PSME4: variants seen among roughly 807,000 people sequenced by gnomAD.
PSME4 encodes the protein proteasome activator complex subunit 4.
In PSME4, 89 loss-of-function variants were observed where a neutral mutation model predicts 253.9. The ratio of observed to expected loss-of-function variants is 0.35; its 90% confidence interval spans 0.30 to 0.42. The LOEUF (loss-of-function observed/expected upper bound fraction) is 0.42, where lower values mean the gene tolerates loss of function less well. Among genes scored for constraint, PSME4 ranks in the 10% least tolerant of loss-of-function variants. The pLI is 1.00. For missense variants in PSME4, 2,014 were observed against 2,195.2 expected, an observed-to-expected ratio of 0.92 and a Z score of 1.65; for synonymous variants, 851 against 759.2, an observed-to-expected ratio of 1.12 and a Z score of -1.99.
At chr2:53,930,672 T>A (rs1439564061) in intron 10 of PSME4, among the ~76,000 whole-genome samples, 1 of 152,108 alleles carries the variant, frequency 6.6e-6, no homozygotes, top group Non-Finnish European at 1.5e-5. Context: ...TTATAGATAA[T>A]GGAGGCCCAT....
chr2:53,966,004 A>G (rs1004002735), intron 1 of PSME4, among the ~76,000 whole-genome samples: 2 of 152,084 alleles, frequency 1.3e-5, no homozygotes, highest in Non-Finnish European at 2.9e-5. Context: ...CACTACTGGC[A>G]CTACATGGTG....
At chr2:53,897,117 C>T (rs1680176193) in intron 31 of PSME4, among the ~76,000 whole-genome samples, 1 of 151,828 alleles carries the variant, frequency 6.6e-6, no homozygotes, top group African/African-American at 2.4e-5. Flanking sequence ...AACTTTGACC[C>T]CTTCTTTGTT....
intron 3 of PSME4, 83 bp downstream of exon 3, chr2:53,948,338 C>G (rs1669821728): frequency 1.2e-6 from 1 of 834,578 alleles, no homozygotes; most frequent in Non-Finnish European, 2.0e-6. Context: ...TTCTTTCAAA[C>G]AACTCAATAT....
intron 4 of PSME4, among the ~76,000 whole-genome samples, chr2:53,939,235 T>G (rs1669267906): frequency 6.6e-6 from 1 of 152,124 alleles, no homozygotes; most frequent in South Asian, 2.1e-4. Context: ...TTAAGATGAG[T>G]ATTACAAGCA....
At chr2:53,960,882 C>T (rs1028653883) in intron 1 of PSME4, among the ~76,000 whole-genome samples, 5 of 151,844 alleles carry the variant, frequency 3.3e-5, no homozygotes, top group Admixed American at 2.6e-4. Context: ...CCAAGGCAGG[C>T]GGATCACGTG....
At chr2:53,878,744 G>C (rs1679247958) in intron 41 of PSME4, among the ~76,000 whole-genome samples, 1 of 152,128 alleles carries the variant, frequency 6.6e-6, no homozygotes, top group Non-Finnish European at 1.5e-5. Context: ...ATAAATTTTG[G>C]TCAGACCAGT....
chr2:53,936,587 C>CAAACA (rs142080728), intron 6 of PSME4, among the ~76,000 whole-genome samples, 177 bp downstream of exon 6: 2 of 151,442 alleles, frequency 1.3e-5, no homozygotes, highest in East Asian at 3.9e-4. Context: ...TAGAATACAA[C>CAAACA]AAATAATATA....
intron 22 of PSME4, 82 bp downstream of exon 22, chr2:53,908,702 G>A (rs1048321137): frequency 7.0e-7 from 1 of 1,437,486 alleles, no homozygotes; most frequent in South Asian, 1.3e-5. Context: ...AAAACATTAA[G>A]TAAACACATG....
chr2:53,905,728 C>T (rs1680626820), intron 26 of PSME4, among the ~76,000 whole-genome samples: 1 of 152,128 alleles, frequency 6.6e-6, no homozygotes, highest in South Asian at 2.1e-4. Context: ...ATCGCTTGAG[C>T]TCAAGCTCAA....
At chr2:53,933,320 G>A (rs1315116488) in intron 8 of PSME4, among the ~76,000 whole-genome samples, 1 of 137,766 alleles carries the variant, frequency 7.3e-6, no homozygotes, top group Admixed American at 7.8e-5. Flanking sequence ...GGAGGTTGCA[G>A]TGAGCTGAAA....
At chr2:53,956,886 T>A (rs1025165347) in intron 1 of PSME4, among the ~76,000 whole-genome samples, 7 of 152,222 alleles carry the variant, frequency 4.6e-5, no homozygotes, top group Non-Finnish European at 1.0e-4. Context: ...AAAGGCTACT[T>A]AAATAACGTC....
chr2:53,956,885 T>G (rs371123555), intron 1 of PSME4, among the ~76,000 whole-genome samples: 235 of 152,332 alleles, frequency 1.5e-3, no homozygotes, highest in African/African-American at 5.4e-3. Context: ...CAAAGGCTAC[T>G]TAAATAACGT....
At chr2:53,934,355 T>C (rs1669004746) in intron 8 of PSME4, among the ~76,000 whole-genome samples, 1 of 152,218 alleles carries the variant, frequency 6.6e-6, no homozygotes, top group African/African-American at 2.4e-5. Context: ...GTAAAAATGT[T>C]AGACATCGTG....
intron 27 of PSME4, among the ~76,000 whole-genome samples, chr2:53,902,411 A>G (rs1387160052): frequency 1.3e-5 from 2 of 152,224 alleles, no homozygotes; most frequent in Non-Finnish European, 2.9e-5. Context: ...TTTTTCATAA[A>G]AAGTTTTTAC....
chr2:53,901,444 G>A lies in PSME4; in HGVS notation c.3191C>T (p.Ala1064Val). The A allele has an allele frequency of 1.2e-6, 2 of 1,613,992 alleles. No homozygotes were observed. The highest frequency in any genetic ancestry group is 8.5e-7 in the Non-Finnish European group (1 of 1,179,922). The change falls in exon 28 of 47, where the codon GCA (alanine) becomes GTA (valine). Residue 1064 changes from alanine to valine, a missense_variant. Ala to Val is a moderately conservative substitution (Grantham distance 64). Around this residue, in one of 4 missense-constraint regions of PSME4, gnomAD observed 989 missense variants for 1,021.1 expected, o/e 0.97. Coordinates refer to ENST00000404125, the MANE Select transcript of PSME4 (RefSeq NM_014614.3). ...TATTGATGGCTTTTCCAGGGACATT[G>A]CTTGGCTAAGCCCTGAAGAAACAAT... ...PAIVSSGLSQ[A>V]MSLEKPSIVR...
intron 20 of PSME4, among the ~76,000 whole-genome samples, chr2:53,916,211 C>T (rs982258502): frequency 7.2e-6 from 1 of 139,686 alleles, no homozygotes; most frequent in African/African-American, 2.7e-5. Context: ...CCCACCACTA[C>T]AGCCTGGGCA....
At chr2:53,925,806 A>C in intron 13 of PSME4, 117 bp from the exon 14 acceptor site, 3 of 1,264,122 alleles carry the variant, frequency 2.4e-6, no homozygotes, top group Non-Finnish European at 3.4e-6. Context: ...CTTAATTTCT[A>C]CGTGGTTCAC....
At chr2:53,919,297 G>A in intron 19 of PSME4, 51 bp from the exon 20 acceptor site, 1 of 1,510,830 alleles carries the variant, frequency 6.6e-7, no homozygotes, top group Non-Finnish European at 8.8e-7. Flanking sequence ...TATTTAATAA[G>A]CCTGCTAGAG....
intron 13 of PSME4, 130 bp downstream of exon 13, chr2:53,925,829 C>A: frequency 8.0e-7 from 1 of 1,253,536 alleles, no homozygotes. Context: ...ATCGATTATC[C>A]TTTTATAACT....
Sources: allele counts gnomAD v4.1 joint callset (sites outside exome capture counted in the v4.1 genomes callset), GRCh38; gene constraint gnomAD v4.1.1; regional missense constraint gnomAD v4.1.1; transcripts MANE v1.5; gene names NCBI Gene and HGNC (gene_info 2026-07-23, HGNC 2026-07-21).